The following CLDN18 variants were observed in gnomAD, a reference collection of about 807,000 sequenced individuals.
CLDN18 encodes claudin 18, also known as claudin-18.
A neutral mutation model predicts 25.0 loss-of-function variants in CLDN18; 20 were observed. The ratio of observed to expected loss-of-function variants is 0.80; its 90% CI spans 0.56 to 1.16. The LOEUF (loss-of-function observed/expected upper bound fraction) is 1.16. CLDN18 is among the 50% of genes most tolerant of loss of function. The pLI, the probability that CLDN18 is intolerant of heterozygous loss-of-function variation, is 0.00. For missense variants in CLDN18, 297 were observed against 345.4 expected, an observed-to-expected ratio of 0.86 and a Z score of 1.11; for synonymous variants, 125 against 135.6, an observed-to-expected ratio of 0.92 and a Z score of 0.54.
intron 3 of CLDN18, among the ~76,000 whole-genome samples, chr3:138,028,384 C>A (rs1282807917): frequency 6.6e-6 from 1 of 152,186 alleles, no homozygotes; most frequent in Non-Finnish European, 1.5e-5. Context: ...GCTTTTAAAG[C>A]ACATCTAAAG....
intron 3 of CLDN18, among the ~76,000 whole-genome samples, chr3:138,028,065 CT>C (rs527721365): frequency 0.13 from 18,600 of 145,364 alleles, 1,132 homozygotes; most frequent in African/African-American, 0.13. Context: ...TGTGTGCTTT[CT>C]TTTTTTTTTT....
chr3:138,028,474 G>A (rs1942352639), intron 3 of CLDN18, among the ~76,000 whole-genome samples: 1 of 152,180 alleles, frequency 6.6e-6, no homozygotes, highest in Admixed American at 6.5e-5. Flanking sequence ...CTTAGCTTGT[G>A]TCGTAGACTT....
At chr3:138,005,380 C>T (rs546894871), upstream of CLDN18, among the ~76,000 whole-genome samples, 1 of 152,206 alleles carries the variant, frequency 6.6e-6, no homozygotes, top group East Asian at 1.9e-4. Context: ...AATGCTATCC[C>T]TCCCCGTGCC....
At chr3:138,013,663 G>T (rs745817260) in intron 1 of CLDN18, among the ~76,000 whole-genome samples, 1 of 152,190 alleles carries the variant, frequency 6.6e-6, no homozygotes, top group African/African-American at 2.4e-5. Context: ...CTACCACAGG[G>T]AGCATTTGAG....
In CLDN18 at chr3:138,010,364, G is replaced by T. The variant is rs763032242; in HGVS notation, c.139G>T (p.Glu47Ter). ...CCCCGTCACCTCCGTGTTCCAGTACGAAGGGCTCTGGAGGAGCTGCGTGAG... is the reference window on the plus strand; with the variant it reads ...CCCCGTCACCTCCGTGTTCCAGTACTAAGGGCTCTGGAGGAGCTGCGTGAG... ...DNPVTSVFQY[E>*]GLWRSCVRQS... Residue 47 changes from glutamate to a stop codon, truncating the protein, a stop_gained, in exon 1 of 5, where the codon GAA (glutamate) becomes TAA (stop). Coordinates refer to ENST00000183605, the MANE Select transcript of CLDN18 (RefSeq NM_016369.4). LOFTEE classifies it high-confidence loss of function. 1.2e-6 allele frequency: 2 copies of T among 1,614,220 alleles called. No individual in the cohort carries two copies. Among genetic ancestry groups the T allele is most frequent in the Non-Finnish European group, 1.7e-6 (2 of 1,180,046 alleles).
Position 138,033,266 on chromosome 3 carries a change from A to C in CLDN18, c.*2125A>C, listed in dbSNP as rs1431946654. On this transcript the variant is annotated 3_prime_UTR_variant, in exon 5 of 5. Transcript: ENST00000183605. ...AAGTATTTGTGGAACTCACTGCCTC[A>C]GTTTGGGTAAAGGATGAGCAGACAA... 2 of 152,282 alleles carry C rather than the reference A, an allele frequency of 1.3e-5. No homozygotes were observed. The highest frequency in any genetic ancestry group is 2.9e-5 in the Non-Finnish European group (2 of 68,058). 9.4% of individuals were successfully genotyped at this position (152,282 alleles called of 1,614,324 possible). A position where few individuals can be genotyped will look rare whatever the true frequency, so the allele number is the denominator to read the frequency against.
At chr3:138,029,707 G>C (rs1308385412) in intron 3 of CLDN18, 90 bp from the exon 4 acceptor site, 5 of 745,754 alleles carry the variant, frequency 6.7e-6, no homozygotes, top group African/African-American at 3.6e-5. Flanking sequence ...TCCAAAAGTG[G>C]GGACAGAAAG....
intron 1 of CLDN18, among the ~76,000 whole-genome samples, chr3:138,019,966 T>C (rs892379271): frequency 3.3e-5 from 5 of 152,226 alleles, no homozygotes; most frequent in African/African-American, 1.2e-4. Context: ...CTTTAGAGCC[T>C]GTTGACTCAC....
chr3:138,029,224 C>T (rs1055647321), intron 3 of CLDN18, among the ~76,000 whole-genome samples: 2 of 152,158 alleles, frequency 1.3e-5, no homozygotes, highest in African/African-American at 2.4e-5. Context: ...CAGCTCATTG[C>T]AACCTCCACC....
intron 1 of CLDN18, among the ~76,000 whole-genome samples, chr3:138,010,681 A>G (rs1194078660): frequency 6.6e-6 from 1 of 152,258 alleles, no homozygotes; most frequent in Non-Finnish European, 1.5e-5. Context: ...GGCAGGCCTC[A>G]AGAAGAATGG....
At position 138,029,870 on chromosome 3, in the gene CLDN18, T is replaced by G. The variant is rs370938675; in HGVS notation, c.577T>G (p.Cys193Gly). 20 of 1,597,848 alleles carry G rather than the reference T, an allele frequency of 1.3e-5. No homozygotes were observed. Among genetic ancestry groups the G allele is most frequent in the Non-Finnish European group, 1.7e-5 (20 of 1,172,700 alleles). Reference sequence around the variant, plus strand: ...CACACTAATTGGGGGTGTGATGATGTGCATCGCCTGCCGGGGCCTGGCACC... The same window carrying G: ...CACACTAATTGGGGGTGTGATGATGGGCATCGCCTGCCGGGGCCTGGCACC... ...GLTLIGGVMM[C>G]IACRGLAPEE... Residue 193 changes from cysteine to glycine, a missense_variant, in exon 4 of 5, where the codon TGC becomes GGC. Cys to Gly is a radical substitution (Grantham distance 159). Transcript: ENST00000183605.
upstream of CLDN18, among the ~76,000 whole-genome samples, chr3:138,008,475 C>T (rs534463501): frequency 1.4e-4 from 22 of 152,070 alleles, no homozygotes; most frequent in South Asian, 8.3e-4. Context: ...TGGTGGCAGG[C>T]GCCTGTAATC....
intron 1 of CLDN18, among the ~76,000 whole-genome samples, chr3:138,013,914 G>A (rs183161382): frequency 7.9e-5 from 12 of 152,264 alleles, no homozygotes; most frequent in African/African-American, 2.4e-4. Flanking sequence ...TCAGGAAAGA[G>A]GAGGGGTTTA....
At chr3:138,025,927 C>T (rs912097263) in intron 3 of CLDN18, among the ~76,000 whole-genome samples, 1 of 152,210 alleles carries the variant, frequency 6.6e-6, no homozygotes, top group Non-Finnish European at 1.5e-5. Context: ...TGCCATCACT[C>T]TCTCACATCA....
At chr3:138,029,337 G>C (rs773840736) in intron 3 of CLDN18, among the ~76,000 whole-genome samples, 3 of 151,988 alleles carry the variant, frequency 2.0e-5, no homozygotes, top group African/African-American at 4.8e-5. Context: ...GTAGAGACAG[G>C]GTTTCACCAT....
chr3:138,018,717 GA>G, intron 1 of CLDN18, among the ~76,000 whole-genome samples: 1 of 152,334 alleles, frequency 6.6e-6, no homozygotes, highest in South Asian at 2.1e-4. Flanking sequence ...TTGCATTGGG[GA>G]TTACGTTTCA....
intron 1 of CLDN18, among the ~76,000 whole-genome samples, chr3:138,021,149 G>A (rs1393124941): frequency 6.6e-6 from 1 of 152,082 alleles, no homozygotes; most frequent in Non-Finnish European, 1.5e-5. Flanking sequence ...AGTAGCAACT[G>A]CCTATGAAAA....
chr3:138,000,499 A>G (rs1195725773), intron 1 of CLDN18, among the ~76,000 whole-genome samples: 2 of 152,170 alleles, frequency 1.3e-5, no homozygotes, highest in Non-Finnish European at 2.9e-5. Flanking sequence ...GTGCCAGGCT[A>G]AGGTGTTTGG....
At chr3:138,013,481 C>T (rs1441061515) in intron 1 of CLDN18, among the ~76,000 whole-genome samples, 1 of 152,256 alleles carries the variant, frequency 6.6e-6, no homozygotes, top group Non-Finnish European at 1.5e-5. Flanking sequence ...CTACACTCTT[C>T]AAAGTTGCTG....
Sources: gnomAD v4.1 joint callset for allele counts (sites outside exome capture counted in the v4.1 genomes callset) on GRCh38, gnomAD v4.1.1 for gene constraint, MANE v1.5 for transcripts, NCBI Gene and HGNC (gene_info 2026-07-23, HGNC 2026-07-21) for gene names.